AGMO: variants seen among roughly 807,000 people sequenced by gnomAD.
AGMO encodes the protein glyceryl-ether monooxygenase.
A neutral mutation model predicts 60.2 loss-of-function variants in AGMO; 75 were observed. That is an observed-to-expected ratio of 1.25 (90% confidence interval 1.03 to 1.51). The LOEUF (loss-of-function observed/expected upper bound fraction) is 1.51, where lower values mean the gene tolerates loss of function less well. AGMO is among the 40% of genes most tolerant of loss of function. AGMO has a pLI of 0.00. For missense variants in AGMO, 763 were observed against 525.5 expected (o/e 1.45, Z -4.42); for synonymous variants, 261 against 177.1 (o/e 1.47, Z -3.76).
chr7:15,327,170 G>C (rs4256500), intron 12 of AGMO, among the ~76,000 whole-genome samples: 3 of 151,856 alleles, frequency 2.0e-5, no homozygotes, highest in Non-Finnish European at 2.9e-5. Flanking sequence ...AACCTGGCTC[G>C]GTTTTCAACT....
intron 10 of AGMO, among the ~76,000 whole-genome samples, chr7:15,375,939 C>A (rs917860211): frequency 3.9e-5 from 6 of 152,044 alleles, no homozygotes; most frequent in Admixed American, 6.6e-5. Flanking sequence ...TATTTAATTT[C>A]AAAGTTAACA....
At chr7:15,395,950 A>T (rs999115701) in intron 5 of AGMO, 3 of 152,160 alleles carry the variant, frequency 2.0e-5, no homozygotes, top group Non-Finnish European at 4.4e-5. Context: ...TTGAAATGGA[A>T]GCTGTGGCAA....
intron 6 of AGMO, among the ~76,000 whole-genome samples, 168 bp from the exon 7 acceptor site, chr7:15,391,073 G>A (rs984683733): frequency 5.3e-5 from 8 of 151,862 alleles, no homozygotes; most frequent in East Asian, 1.9e-4. Context: ...GTCTAATAAT[G>A]GAATTTTTAT....
chr7:15,226,948 G>C (rs962464968), intron 12 of AGMO, among the ~76,000 whole-genome samples: 1 of 152,106 alleles, frequency 6.6e-6, no homozygotes, highest in African/African-American at 2.4e-5. Context: ...ACCTATAAGA[G>C]AAAAGAAGAG....
At chr7:15,191,979 A>T in the AGMO span, among the ~76,000 whole-genome samples, 25,127 of 134,162 alleles carry the variant, frequency 0.19, 2,383 homozygotes, top group Non-Finnish European at 0.23. Context: ...TCTCTCACAC[A>T]CACACACACA....
chr7:15,380,470 TAGA>T (rs929203402), intron 10 of AGMO, among the ~76,000 whole-genome samples: 4 of 152,072 alleles, frequency 2.6e-5, no homozygotes. Flanking sequence ...GAAAGATCTC[TAGA>T]AGGAGAGCTA....
chr7:15,339,517 T>G (rs2128548365), intron 12 of AGMO, among the ~76,000 whole-genome samples: 1 of 152,328 alleles, frequency 6.6e-6, no homozygotes, highest in East Asian at 1.9e-4. Context: ...CAGAAGAGTC[T>G]GCTCCAAACT....
intron 6 of AGMO, among the ~76,000 whole-genome samples, chr7:15,392,685 G>T (rs139118148): frequency 3.3e-5 from 5 of 152,022 alleles, no homozygotes; most frequent in African/African-American, 1.2e-4. Context: ...TGTAATCCAA[G>T]TTACTTGGGA....
chr7:15,178,182 A>G, the AGMO span, among the ~76,000 whole-genome samples: 1 of 152,092 alleles, frequency 6.6e-6, no homozygotes, highest in Non-Finnish European at 1.5e-5. Context: ...TTTATTCAAT[A>G]TTTGGCCAGA....
At chr7:15,184,327 G>GTAAAA in the AGMO span, among the ~76,000 whole-genome samples, 2 of 102,784 alleles carry the variant, frequency 1.9e-5, no homozygotes, top group African/African-American at 3.9e-5. Context: ...AGGAGGGAAG[G>GTAAAA]AGGAAGGAAG....
At chr7:15,561,572 T>C in intron 1 of AGMO, 148 bp downstream of exon 1, 1 of 780,824 alleles carries the variant, frequency 1.3e-6, no homozygotes, top group Non-Finnish European at 1.8e-6. Context: ...AATTCTACTT[T>C]TGCTTCACGC....
intron 12 of AGMO, among the ~76,000 whole-genome samples, chr7:15,222,856 G>T (rs1361418912): frequency 6.6e-6 from 1 of 151,814 alleles, no homozygotes. Context: ...TTAAGAACAA[G>T]GATTTTCCCC....
chr7:15,190,830 T>C, the AGMO span, among the ~76,000 whole-genome samples: 1,654 of 152,048 alleles, frequency 0.011, 43 homozygotes, highest in African/African-American at 0.039. Flanking sequence ...ATCTGGACCA[T>C]TGCTCTCATT....
chr7:15,152,925 T>C, the AGMO span, among the ~76,000 whole-genome samples: 1 of 152,282 alleles, frequency 6.6e-6, no homozygotes, highest in East Asian at 1.9e-4. Flanking sequence ...TCCACACTGC[T>C]TTCCATAGTT....
intron 5 of AGMO, among the ~76,000 whole-genome samples, chr7:15,397,144 G>A (rs921939365): frequency 6.6e-6 from 1 of 152,120 alleles, no homozygotes; most frequent in South Asian, 2.1e-4. Flanking sequence ...AGCCCAGAGG[G>A]AGCTCTCCCA....
At chr7:15,161,282 T>G in the AGMO span, among the ~76,000 whole-genome samples, 1 of 152,140 alleles carries the variant, frequency 6.6e-6, no homozygotes, top group Admixed American at 6.6e-5. Context: ...ATCTAAGCAG[T>G]TGAAAGCTTT....
intron 12 of AGMO, among the ~76,000 whole-genome samples, chr7:15,342,778 G>GAAAAA (rs1340185456): frequency 6.5e-5 from 1 of 15,414 alleles, no homozygotes; most frequent in African/African-American, 3.0e-4. Flanking sequence ...CAGTATAGCT[G>GAAAAA]CAAAAAAAAA....
At chr7:15,195,757 T>C (rs1781102251), downstream of AGMO, among the ~76,000 whole-genome samples, 1 of 152,206 alleles carries the variant, frequency 6.6e-6, no homozygotes, top group Non-Finnish European at 1.5e-5. Context: ...GCTGCTTTTC[T>C]TTAAAAGGAA....
At chr7:15,446,528 G>C (rs1398795381) in intron 3 of AGMO, among the ~76,000 whole-genome samples, 1 of 152,158 alleles carries the variant, frequency 6.6e-6, no homozygotes, top group Non-Finnish European at 1.5e-5. Flanking sequence ...TGTAAGGCCA[G>C]CTGATATGCA....
Sources: allele counts gnomAD v4.1 joint callset (sites outside exome capture counted in the v4.1 genomes callset), GRCh38; gene constraint gnomAD v4.1.1; transcripts MANE v1.5; gene names NCBI Gene and HGNC (gene_info 2026-07-23, HGNC 2026-07-21).